TLCD4: variants seen among roughly 807,000 people sequenced by gnomAD.
The protein encoded by TLCD4 is TLC domain containing 4.
A neutral mutation model predicts 24.2 loss-of-function variants in TLCD4; 7 were observed. The ratio of observed to expected loss-of-function variants is 0.29; its 90% CI spans 0.16 to 0.54. The LOEUF is 0.54. Ranked by LOEUF, TLCD4 falls within the 20% of genes least tolerant of loss-of-function variation. TLCD4 has a pLI of 0.95. For synonymous variants in TLCD4, 103 were observed against 106.4 expected (o/e 0.97, Z 0.20); for missense variants, 259 against 313.9 (o/e 0.82, Z 1.32).
chr1:95,186,274 A>G (rs1418489807), intron 6 of TLCD4, among the ~76,000 whole-genome samples: 1 of 152,232 alleles, frequency 6.6e-6, no homozygotes, highest in Non-Finnish European at 1.5e-5. Flanking sequence ...TGGCAGAACC[A>G]GGCTTTCAAC....
intron 1 of TLCD4, among the ~76,000 whole-genome samples, chr1:95,140,143 C>T (rs1677158845): frequency 6.6e-6 from 1 of 152,058 alleles, no homozygotes; most frequent in Admixed American, 6.6e-5. Flanking sequence ...ACTGTAAAAT[C>T]ATGATAAAAA....
At chr1:95,163,397 G>A (rs1433124576) in intron 5 of TLCD4, 4 of 150,436 alleles carry the variant, frequency 2.7e-5, no homozygotes, top group Non-Finnish European at 5.9e-5. Context: ...TTAGCCATTC[G>A]TCTACTCTTT....
At chr1:95,165,578 G>T (rs1383061193) in intron 5 of TLCD4, among the ~76,000 whole-genome samples, 1 of 151,242 alleles carries the variant, frequency 6.6e-6, no homozygotes, top group Non-Finnish European at 1.5e-5. Flanking sequence ...CGATTCCCCT[G>T]CCTCAGCCTC....
intron 6 of TLCD4, among the ~76,000 whole-genome samples, chr1:95,180,208 C>T (rs187451636): frequency 6.6e-6 from 1 of 152,296 alleles, no homozygotes; most frequent in East Asian, 1.9e-4. Flanking sequence ...GATTTTGAAG[C>T]AGGATAAAGC....
the TLCD4 span, among the ~76,000 whole-genome samples, chr1:95,099,631 A>G: frequency 1.3e-5 from 2 of 152,168 alleles, no homozygotes; most frequent in African/African-American, 4.8e-5. Flanking sequence ...GCATATATAT[A>G]CATTCATTAA....
chr1:95,128,053 G>A (rs368823121), intron 1 of TLCD4, among the ~76,000 whole-genome samples: 23 of 152,310 alleles, frequency 1.5e-4, no homozygotes, highest in African/African-American at 5.5e-4. Flanking sequence ...GTAGTGAGCC[G>A]AGATGGTGCC....
chr1:95,106,927 T>G, the TLCD4 span, among the ~76,000 whole-genome samples: 3 of 152,312 alleles, frequency 2.0e-5, no homozygotes, highest in Admixed American at 2.0e-4. Context: ...ACTGTCATTT[T>G]CGATGCTTCT....
chr1:95,172,781 G>A (rs1163313774), intron 5 of TLCD4, among the ~76,000 whole-genome samples: 1 of 152,142 alleles, frequency 6.6e-6, no homozygotes, highest in South Asian at 2.1e-4. Context: ...AGGCAGCATG[G>A]TATAGCCAGT....
chr1:95,148,882 CATATTGATCGT>C, intron 3 of TLCD4, 91 bp downstream of exon 3: 2 of 1,499,564 alleles, frequency 1.3e-6, no homozygotes, highest in South Asian at 2.5e-5. Flanking sequence ...AAACAGAAAA[CATATTGATCGT>C]ATATGCCTTA....
chr1:95,181,539 A>G (rs1013271924), intron 6 of TLCD4, among the ~76,000 whole-genome samples: 2 of 151,912 alleles, frequency 1.3e-5, no homozygotes, highest in African/African-American at 4.8e-5. Context: ...ATTCAAATTC[A>G]TTGGCCTTTC....
intron 5 of TLCD4, among the ~76,000 whole-genome samples, chr1:95,165,471 T>TG (rs1677985068): frequency 6.6e-6 from 1 of 151,638 alleles, no homozygotes; most frequent in Non-Finnish European, 1.5e-5. Context: ...GTGTGTGTTT[T>TG]TTTTTTTTTT....
intron 6 of TLCD4, among the ~76,000 whole-genome samples, chr1:95,185,781 T>C: frequency 6.6e-6 from 1 of 152,242 alleles, no homozygotes; most frequent in African/African-American, 2.4e-5. Context: ...TTTATGTTAT[T>C]GGTAAGGCTT....
At chr1:95,137,026 GCACA>G (rs1473714824) in intron 1 of TLCD4, among the ~76,000 whole-genome samples, 1 of 152,118 alleles carries the variant, frequency 6.6e-6, no homozygotes, top group Non-Finnish European at 1.5e-5. Flanking sequence ...AAATCTAGTT[GCACA>G]CAGTATAAGC....
chr1:95,174,078 A>T, intron 6 of TLCD4, 189 bp downstream of exon 6: 1 of 783,554 alleles, frequency 1.3e-6, no homozygotes. Context: ...AAGTTTCCCT[A>T]GCTAGCAAGT....
At chr1:95,180,704 A>G (rs1340926693) in intron 6 of TLCD4, among the ~76,000 whole-genome samples, 1 of 152,160 alleles carries the variant, frequency 6.6e-6, no homozygotes, top group Non-Finnish European at 1.5e-5. Context: ...AATGCTCTTA[A>G]TTGTTTTTGA....
At chr1:95,178,716 A>C (rs775009535) in intron 6 of TLCD4, among the ~76,000 whole-genome samples, 1 of 152,054 alleles carries the variant, frequency 6.6e-6, no homozygotes, top group Non-Finnish European at 1.5e-5. Context: ...GGATAAACTC[A>C]AGTTGCAATG....
At chr1:95,190,854 ATTCT>A (rs1340333907) in intron 6 of TLCD4, among the ~76,000 whole-genome samples, 2 of 152,180 alleles carry the variant, frequency 1.3e-5, no homozygotes, top group Non-Finnish European at 2.9e-5. Flanking sequence ...ACTTTTAAGA[ATTCT>A]TTGTGTACTT....
chr1:95,186,365 A>G (rs965647479), intron 6 of TLCD4, among the ~76,000 whole-genome samples: 1 of 152,192 alleles, frequency 6.6e-6, no homozygotes, highest in Admixed American at 6.5e-5. Context: ...TTGATGAAAC[A>G]CTGGAGATCA....
chr1:95,131,218 G>T (rs1032716340), intron 1 of TLCD4, among the ~76,000 whole-genome samples: 1 of 152,176 alleles, frequency 6.6e-6, no homozygotes, highest in Non-Finnish European at 1.5e-5. Context: ...AAAGGAGAGG[G>T]ACATGCAGCA....
Sources: allele counts gnomAD v4.1 joint callset (sites outside exome capture counted in the v4.1 genomes callset), GRCh38; gene constraint gnomAD v4.1.1; transcripts MANE v1.5; gene names NCBI Gene and HGNC (gene_info 2026-07-23, HGNC 2026-07-21).